ADK: variants seen among roughly 807,000 people sequenced by gnomAD.
ADK encodes the protein adenosine kinase, also known as N6,N6-dimethyladenosine kinase.
In ADK, 24 loss-of-function variants were observed where a neutral mutation model predicts 44.7. The ratio of observed to expected loss-of-function variants is 0.54; its 90% CI spans 0.39 to 0.76. The LOEUF is 0.76. Ranked by LOEUF, ADK falls within the 30% of genes least tolerant of loss-of-function variation. The probability of loss-of-function intolerance (pLI) is 0.00; values close to 1 mark genes in which losing one functional copy is unlikely to be tolerated. For missense variants in ADK, 321 were observed against 425.1 expected, an observed-to-expected ratio of 0.76 and a Z score of 2.15; for synonymous variants, 128 against 142.6, an observed-to-expected ratio of 0.90 and a Z score of 0.73.
At chr10:74,484,168 C>T (rs998851445) in intron 6 of ADK, among the ~76,000 whole-genome samples, 1 of 152,158 alleles carries the variant, frequency 6.6e-6, no homozygotes, top group East Asian at 1.9e-4. Flanking sequence ...GCAGGCTCTA[C>T]AGGACATATG....
At chr10:74,225,666 G>A (rs10824120) in intron 3 of ADK, among the ~76,000 whole-genome samples, 111,874 of 152,076 alleles carry the variant, frequency 0.74, 41,829 homozygotes, top group Middle Eastern at 0.85. Context: ...TTTCTTATGC[G>A]TTCTTACCGT....
At chr10:74,232,866 C>T (rs113564817) in intron 3 of ADK, among the ~76,000 whole-genome samples, 3,003 of 152,246 alleles carry the variant, frequency 0.02, 45 homozygotes, top group Non-Finnish European at 0.026. Flanking sequence ...CCTCGTGATC[C>T]ACCCGCCTTG....
chr10:74,442,153 A>G (rs1159597776), intron 6 of ADK, among the ~76,000 whole-genome samples: 1 of 150,904 alleles, frequency 6.6e-6, no homozygotes, highest in Non-Finnish European at 1.5e-5. Context: ...TTACTCCCCC[A>G]CCCCCACTTT....
At chr10:74,542,363 T>C (rs1849668397) in intron 7 of ADK, among the ~76,000 whole-genome samples, 1 of 152,356 alleles carries the variant, frequency 6.6e-6, no homozygotes, top group African/African-American at 2.4e-5. Context: ...TTGGAGCAAT[T>C]TGTTACACAA....
chr10:74,449,395 C>G (rs1355837641), intron 6 of ADK, among the ~76,000 whole-genome samples: 1 of 152,058 alleles, frequency 6.6e-6, no homozygotes, highest in Non-Finnish European at 1.5e-5. Context: ...ATAGCAACAC[C>G]TAGATTGGAA....
chr10:74,472,027 A>T (rs1302820188), intron 6 of ADK, among the ~76,000 whole-genome samples: 2 of 151,912 alleles, frequency 1.3e-5, no homozygotes, highest in Non-Finnish European at 2.9e-5. Context: ...TCTTTAGCTG[A>T]CTGCTCTGGA....
At chr10:74,273,908 T>A (rs578127580) in intron 3 of ADK, among the ~76,000 whole-genome samples, 1 of 152,354 alleles carries the variant, frequency 6.6e-6, no homozygotes, top group East Asian at 1.9e-4. Flanking sequence ...TCTATGCAAT[T>A]TTTTTTGTGA....
intron 1 of ADK, among the ~76,000 whole-genome samples, chr10:74,197,116 T>C (rs1843182409): frequency 6.6e-6 from 1 of 152,152 alleles, no homozygotes; most frequent in South Asian, 2.1e-4. Context: ...TACATGCCAG[T>C]CTCTGAACTG....
At chr10:74,330,709 A>T (rs1422948810) in intron 4 of ADK, among the ~76,000 whole-genome samples, 2 of 152,146 alleles carry the variant, frequency 1.3e-5, no homozygotes, top group Non-Finnish European at 1.5e-5. Context: ...GCAGGAACAT[A>T]AGCCTTCCAG....
At position 74,351,295 on chromosome 10, in the gene ADK, C is replaced by T. The variant is rs368467817; in HGVS notation, c.273+36550C>T. Among the ~76,000 whole-genome samples, 483 of 152,234 alleles carry T rather than the reference C, an allele frequency of 3.2e-3. 5 individuals carry two copies. The highest frequency in any genetic ancestry group is 0.011 in the African/African-American group (453 of 41,548). ...GCAAATCAATAAACGTAATCTATCA[C>T]ATAAACAGAACCAATGACAAAAACC... On this transcript the variant is annotated intron_variant, in intron 4 of 10. Transcript: ENST00000539909.
At chr10:74,281,802 A>G (rs1256319838) in intron 3 of ADK, among the ~76,000 whole-genome samples, 3 of 152,226 alleles carry the variant, frequency 2.0e-5, no homozygotes, top group Non-Finnish European at 4.4e-5. Context: ...TATGAGCTGC[A>G]TTGGAAATTT....
At chr10:74,475,763 G>T (rs1846811892) in intron 6 of ADK, among the ~76,000 whole-genome samples, 1 of 135,908 alleles carries the variant, frequency 7.4e-6, no homozygotes, top group Admixed American at 7.9e-5. Flanking sequence ...AATAAAAGAA[G>T]AAAAGAGAGA....
At chr10:74,523,259 GC>G (rs1848911631) in intron 6 of ADK, among the ~76,000 whole-genome samples, 2 of 152,146 alleles carry the variant, frequency 1.3e-5, no homozygotes, top group Admixed American at 1.3e-4. Context: ...TACTGATGAA[GC>G]TTTGAAAATA....
chr10:74,570,296 T>C (rs1401159434), intron 7 of ADK, among the ~76,000 whole-genome samples: 1 of 152,214 alleles, frequency 6.6e-6, no homozygotes, highest in Non-Finnish European at 1.5e-5. Flanking sequence ...AGTAGTTTTT[T>C]CCAATTCTGT....
At chr10:74,407,667 A>G (rs1843997747) in intron 6 of ADK, among the ~76,000 whole-genome samples, 1 of 152,132 alleles carries the variant, frequency 6.6e-6, no homozygotes, top group Non-Finnish European at 1.5e-5. Flanking sequence ...CTGCCCCAGC[A>G]TGTGGTAGCC....
At chr10:74,624,991 A>G (rs1004463906) in intron 9 of ADK, among the ~76,000 whole-genome samples, 42 of 152,216 alleles carry the variant, frequency 2.8e-4, no homozygotes, top group African/African-American at 9.9e-4. Flanking sequence ...GAGAGGCAAG[A>G]TACTTATAGA....
chr10:74,184,419 T>A (rs1842672990), intron 1 of ADK, among the ~76,000 whole-genome samples: 1 of 152,018 alleles, frequency 6.6e-6, no homozygotes, highest in Non-Finnish European at 1.5e-5. Flanking sequence ...AACCTTGAAA[T>A]CCTGGGCTCA....
chr10:74,572,310 T>G (rs940492224), intron 7 of ADK, among the ~76,000 whole-genome samples: 1 of 152,246 alleles, frequency 6.6e-6, no homozygotes, highest in Non-Finnish European at 1.5e-5. Context: ...ATTCTTTTCT[T>G]TAAGAATGTT....
intron 7 of ADK, among the ~76,000 whole-genome samples, chr10:74,534,215 G>A (rs746586461): frequency 9.9e-4 from 150 of 152,204 alleles, no homozygotes; most frequent in Non-Finnish European, 1.5e-3. Context: ...TTATACATAC[G>A]TCAAGTTTTA....
Sources: allele counts gnomAD v4.1 joint callset (sites outside exome capture counted in the v4.1 genomes callset), GRCh38; gene constraint gnomAD v4.1.1; transcripts MANE v1.5; gene names NCBI Gene and HGNC (gene_info 2026-07-23, HGNC 2026-07-21).